PRRG1: variants seen among roughly 807,000 people sequenced by gnomAD.
The protein encoded by PRRG1 is proline rich and Gla domain 1.
PRRG1 carries 5 observed loss-of-function variants against 11.8 expected under a neutral mutation model. The ratio of observed to expected loss-of-function variants is 0.42; its 90% CI spans 0.22 to 0.89. The LOEUF (loss-of-function observed/expected upper bound fraction) is 0.89, where lower values mean the gene tolerates loss of function less well. PRRG1 is among the 40% of genes least tolerant of loss of function. The pLI, the probability that PRRG1 is intolerant of heterozygous loss-of-function variation, is 0.28. For missense variants in PRRG1, 155 were observed against 166.1 expected (o/e 0.93, Z 0.37); for synonymous variants, 66 against 60.4 (o/e 1.09, Z -0.43).
intron 3 of PRRG1, among the ~76,000 whole-genome samples, chrX:37,445,025 AT>A (rs1556394808): frequency 1.8e-5 from 2 of 111,309 alleles, no homozygotes; most frequent in Admixed American, 1.9e-4. Context: ...CCTAACCCAG[AT>A]CCCCACCTTC....
intron 1 of PRRG1, among the ~76,000 whole-genome samples, chrX:37,400,771 A>C (rs1223522038): frequency 8.9e-6 from 1 of 111,745 alleles, no homozygotes; most frequent in African/African-American, 3.3e-5. Flanking sequence ...AGAAGAATCA[A>C]ATAGACACAA....
intron 1 of PRRG1, among the ~76,000 whole-genome samples, chrX:37,353,906 T>A (rs1299108533): frequency 8.9e-6 from 1 of 112,770 alleles, no homozygotes; most frequent in Non-Finnish European, 1.9e-5. Flanking sequence ...CAGCTTATAA[T>A]GTCTAGCACA....
intron 3 of PRRG1, among the ~76,000 whole-genome samples, chrX:37,429,206 A>G (rs1445770601): frequency 8.9e-6 from 1 of 112,352 alleles, no homozygotes; most frequent in African/African-American, 3.2e-5. Context: ...GGGGATTAAC[A>G]TTCGGCTCCT....
intron 3 of PRRG1, among the ~76,000 whole-genome samples, chrX:37,442,667 T>G (rs933295476): frequency 9.0e-6 from 1 of 110,909 alleles, no homozygotes; most frequent in Admixed American, 9.6e-5. Context: ...TCATGAACAC[T>G]TTTTTTTAAA....
chrX:37,445,453 G>A (rs1295885401), intron 3 of PRRG1, among the ~76,000 whole-genome samples: 1 of 112,064 alleles, frequency 8.9e-6, no homozygotes, highest in Non-Finnish European at 1.9e-5. Context: ...AGTTTGTGAA[G>A]CACTGCTTTA....
intron 1 of PRRG1, among the ~76,000 whole-genome samples, chrX:37,385,628 C>A (rs1556374992): frequency 9.0e-6 from 1 of 110,981 alleles, no homozygotes; most frequent in Non-Finnish European, 1.9e-5. Context: ...TTTCTGAGAG[C>A]AATCTAGGAG....
intron 1 of PRRG1, among the ~76,000 whole-genome samples, chrX:37,382,393 A>G (rs1556373972): frequency 9.0e-6 from 1 of 111,180 alleles, no homozygotes; most frequent in Non-Finnish European, 1.9e-5. Flanking sequence ...GAAATAATGT[A>G]GCAGTGTACT....
chrX:37,440,809 A>G (rs1453095622), intron 3 of PRRG1: 1 of 509,961 alleles, frequency 2.0e-6, no homozygotes, highest in African/African-American at 2.3e-5. Flanking sequence ...TCTGTTGCCA[A>G]GGCTGGAGTG....
intron 3 of PRRG1, chrX:37,441,668 TG>T: frequency 1.2e-6 from 1 of 800,901 alleles, no homozygotes; most frequent in Non-Finnish European, 1.5e-6. Flanking sequence ...AATGCGGCCC[TG>T]GAGCACTTTA....
chrX:37,386,024 A>G (rs781847205), intron 1 of PRRG1, among the ~76,000 whole-genome samples: 26 of 111,614 alleles, frequency 2.3e-4, no homozygotes, highest in African/African-American at 8.5e-4. Flanking sequence ...GCCTCCCCAA[A>G]GTGCTGGGAT....
intron 2 of PRRG1, among the ~76,000 whole-genome samples, chrX:37,419,637 A>G (rs782629389): frequency 9.0e-6 from 1 of 111,415 alleles, no homozygotes; most frequent in Admixed American, 9.6e-5. Flanking sequence ...GTTGCACAGG[A>G]CACATTTGTC....
chrX:37,391,985 GTT>G (rs782051921), intron 1 of PRRG1, among the ~76,000 whole-genome samples: 1 of 102,639 alleles, frequency 9.7e-6, no homozygotes, highest in Admixed American at 1.1e-4. Flanking sequence ...GGGCTTCCTT[GTT>G]TTTTTTTTTT....
At chrX:37,443,179 A>G (rs1186901544) in intron 3 of PRRG1, among the ~76,000 whole-genome samples, 6 of 111,176 alleles carry the variant, frequency 5.4e-5, no homozygotes, top group African/African-American at 2.0e-4. Flanking sequence ...TGGATTTTGG[A>G]CAAGGTGACA....
intron 2 of PRRG1, among the ~76,000 whole-genome samples, chrX:37,422,271 G>A (rs1240940739): frequency 9.0e-6 from 1 of 111,314 alleles, no homozygotes; most frequent in Non-Finnish European, 1.9e-5. Context: ...AAACTGATTC[G>A]AAACCCAGGG....
intron 3 of PRRG1, among the ~76,000 whole-genome samples, chrX:37,427,178 C>T (rs1300633354): frequency 9.0e-6 from 1 of 111,467 alleles, no homozygotes; most frequent in Non-Finnish European, 1.9e-5. Flanking sequence ...GGCTTTTTAC[C>T]CTACTTTATC....
chrX:37,451,078 C>T (rs993690760), intron 3 of PRRG1, among the ~76,000 whole-genome samples: 65 of 111,526 alleles, frequency 5.8e-4, no homozygotes, highest in African/African-American at 1.6e-3. Flanking sequence ...AATGCAATGA[C>T]GCAATCTCGG....
intron 1 of PRRG1, among the ~76,000 whole-genome samples, chrX:37,359,968 C>A (rs1930363998): frequency 9.0e-6 from 1 of 111,149 alleles, no homozygotes; most frequent in African/African-American, 3.3e-5. Context: ...CTTTATTATC[C>A]TTTTAATGTC....
intron 3 of PRRG1, among the ~76,000 whole-genome samples, chrX:37,452,049 C>T (rs369800887): frequency 3.6e-5 from 4 of 111,856 alleles, no homozygotes; most frequent in African/African-American, 1.3e-4. Flanking sequence ...TATGAAATGG[C>T]AGACATTTCG....
At chrX:37,424,624 A>G (rs1353513267) in intron 2 of PRRG1, among the ~76,000 whole-genome samples, 2 of 108,865 alleles carry the variant, frequency 1.8e-5, no homozygotes, top group Admixed American at 2.0e-4. Context: ...TCTGTACCTC[A>G]TAAAGGGTCA....
Sources: gnomAD v4.1 joint callset for allele counts (sites outside exome capture counted in the v4.1 genomes callset) on GRCh38, gnomAD v4.1.1 for gene constraint, MANE v1.5 for transcripts, NCBI Gene and HGNC (gene_info 2026-07-23, HGNC 2026-07-21) for gene names.